The following CCSER1 variants were observed in gnomAD, a reference collection of about 807,000 sequenced individuals.
The protein encoded by CCSER1 is serine-rich coiled-coil domain-containing protein 1.
In CCSER1, 41 loss-of-function variants were observed where a neutral mutation model predicts 82.0. That is an observed-to-expected ratio of 0.50 (90% CI 0.39 to 0.65). The LOEUF (loss-of-function observed/expected upper bound fraction) is 0.65. Ranked by LOEUF, CCSER1 falls within the 30% of genes least tolerant of loss-of-function variation. The pLI is 0.00. For synonymous variants in CCSER1, 414 were observed against 383.9 expected, an observed-to-expected ratio of 1.08 and a Z score of -0.92; for missense variants, 1,119 against 1,064.2, an observed-to-expected ratio of 1.05 and a Z score of -0.72.
chr4:90,937,634 A>G (rs1162759727), intron 9 of CCSER1, among the ~76,000 whole-genome samples: 1 of 152,168 alleles, frequency 6.6e-6, no homozygotes, highest in African/African-American at 2.4e-5. Context: ...TTTTCAAACT[A>G]AAACCTTTTA....
intron 5 of CCSER1, among the ~76,000 whole-genome samples, chr4:90,584,763 G>C (rs1194254341): frequency 1.3e-5 from 2 of 151,948 alleles, no homozygotes; most frequent in Non-Finnish European, 2.9e-5. Flanking sequence ...TAATATATCA[G>C]ACTATGAAGT....
intron 10 of CCSER1, among the ~76,000 whole-genome samples, chr4:91,129,235 C>A (rs1727788940): frequency 6.6e-6 from 1 of 151,716 alleles, no homozygotes; most frequent in Non-Finnish European, 1.5e-5. Flanking sequence ...ACCTGTATCC[C>A]AAAACTTAAA....
intron 1 of CCSER1, among the ~76,000 whole-genome samples, chr4:90,280,617 A>G (rs1323279920): frequency 6.6e-6 from 1 of 152,016 alleles, no homozygotes; most frequent in African/African-American, 2.4e-5. Flanking sequence ...AGAATGTGGA[A>G]AGTAGAAATC....
At chr4:90,143,482 GTACACACA>G (rs1194278309) in intron 1 of CCSER1, among the ~76,000 whole-genome samples, 2 of 82,154 alleles carry the variant, frequency 2.4e-5, no homozygotes, top group Non-Finnish European at 5.4e-5. Flanking sequence ...TTCCTAGCAA[GTACACACA>G]TACACACACA....
At chr4:91,438,738 A>T (rs899007985) in intron 10 of CCSER1, among the ~76,000 whole-genome samples, 1 of 152,176 alleles carries the variant, frequency 6.6e-6, no homozygotes, top group Admixed American at 6.5e-5. Flanking sequence ...TTTCAAAAAA[A>T]TTTAGACAAA....
intron 7 of CCSER1, among the ~76,000 whole-genome samples, chr4:90,768,151 C>T (rs998653748): frequency 1.3e-5 from 2 of 152,186 alleles, no homozygotes; most frequent in Non-Finnish European, 2.9e-5. Flanking sequence ...CTCTAACTCA[C>T]CCTCCCTTGG....
intron 10 of CCSER1, among the ~76,000 whole-genome samples, chr4:91,478,573 C>T (rs984778965): frequency 6.6e-6 from 1 of 151,764 alleles, no homozygotes; most frequent in Non-Finnish European, 1.5e-5. Context: ...TCTAGTGGTG[C>T]TTTAAAAATG....
At chr4:91,523,963 A>G (rs1760642478) in intron 10 of CCSER1, among the ~76,000 whole-genome samples, 1 of 152,122 alleles carries the variant, frequency 6.6e-6, no homozygotes, top group South Asian at 2.1e-4. Flanking sequence ...AAAATCACCT[A>G]TATAAAGTCA....
chr4:91,444,165 A>G (rs1997496), intron 10 of CCSER1, among the ~76,000 whole-genome samples: 123,273 of 152,086 alleles, frequency 0.81, 50,209 homozygotes, highest in East Asian at 0.92. Context: ...TAGTCTTCAA[A>G]TGGCATCTTT....
intron 1 of CCSER1, among the ~76,000 whole-genome samples, chr4:90,178,052 C>A (rs1488469614): frequency 6.6e-6 from 1 of 152,020 alleles, no homozygotes; most frequent in Non-Finnish European, 1.5e-5. Context: ...TGGTCTCAAG[C>A]ATTTTGGATA....
intron 8 of CCSER1, among the ~76,000 whole-genome samples, chr4:90,892,081 T>C (rs1247484664): frequency 6.6e-6 from 1 of 152,110 alleles, no homozygotes; most frequent in Non-Finnish European, 1.5e-5. Flanking sequence ...AAAATAAAAA[T>C]TTGTTTTTTA....
chr4:90,595,398 G>A (rs1717773766), intron 5 of CCSER1, among the ~76,000 whole-genome samples: 1 of 151,812 alleles, frequency 6.6e-6, no homozygotes, highest in African/African-American at 2.4e-5. Flanking sequence ...AAATCACTCA[G>A]GCAAAATTGA....
Position 90,628,417 on chromosome 4 carries a change from T to C in CCSER1, c.1932+185T>C, listed in dbSNP as rs143584792. On this transcript the variant is annotated intron_variant, in intron 6 of 10. Transcript: ENST00000509176. ...TTTGAAGTTCTGGTTTATAAGGTAC[T>C]CTTTAGCCTTAAAATTGTAAGAGTT... Among the ~76,000 whole-genome samples, 70 of 152,262 alleles carry C rather than the reference T, an allele frequency of 4.6e-4. 1 individual carries two copies. The highest frequency in any genetic ancestry group is 6.8e-3 in the Middle Eastern group (2 of 294).
intron 7 of CCSER1, among the ~76,000 whole-genome samples, chr4:90,773,086 C>G (rs527623032): frequency 1.3e-5 from 2 of 152,038 alleles, no homozygotes; most frequent in East Asian, 3.9e-4. Context: ...ACTAAAAATA[C>G]AAAATTAGCC....
chr4:90,543,836 G>T (rs1264448309), intron 5 of CCSER1, among the ~76,000 whole-genome samples: 1 of 152,082 alleles, frequency 6.6e-6, no homozygotes, highest in Non-Finnish European at 1.5e-5. Flanking sequence ...TATTTTTGAA[G>T]ACATGGTGAA....
intron 1 of CCSER1, among the ~76,000 whole-genome samples, chr4:90,147,862 A>C (rs188155141): frequency 1.3e-5 from 2 of 152,294 alleles, no homozygotes; most frequent in East Asian, 3.9e-4. Flanking sequence ...TAATTATAAC[A>C]ATTTAAATAA....
At chr4:90,683,038 C>A (rs6852796) in intron 6 of CCSER1, 2 of 151,970 alleles carry the variant, frequency 1.3e-5, no homozygotes, top group African/African-American at 4.8e-5. Context: ...GCCATGCAAC[C>A]AAACTGCAGC....
At chr4:90,885,601 C>A (rs565280178) in intron 8 of CCSER1, among the ~76,000 whole-genome samples, 2 of 152,114 alleles carry the variant, frequency 1.3e-5, no homozygotes, top group Admixed American at 1.3e-4. Flanking sequence ...ATATTTTTAG[C>A]CATAAGGTCA....
intron 8 of CCSER1, among the ~76,000 whole-genome samples, chr4:90,908,284 A>T (rs890397023): frequency 2.6e-5 from 4 of 152,164 alleles, no homozygotes; most frequent in African/African-American, 9.6e-5. Context: ...CAGATGAAGG[A>T]ATAGTAGGTT....
Sources: allele counts gnomAD v4.1 joint callset (sites outside exome capture counted in the v4.1 genomes callset), GRCh38; gene constraint gnomAD v4.1.1; transcripts MANE v1.5; gene names NCBI Gene and HGNC (gene_info 2026-07-23, HGNC 2026-07-21).